The following TENM2 variants were observed in gnomAD, a reference collection of about 807,000 sequenced individuals.
TENM2 encodes teneurin transmembrane protein 2.
In TENM2, 52 loss-of-function variants were observed where a neutral mutation model predicts 245.2. The ratio of observed to expected loss-of-function variants is 0.21; its 90% CI spans 0.17 to 0.27. The LOEUF is 0.27. TENM2 is among the 10% of genes least tolerant of loss of function. The pLI is 1.00. For missense variants in TENM2, 3,046 were observed against 3,666.8 expected (o/e 0.83, Z 4.37); for synonymous variants, 1,363 against 1,438.9 (o/e 0.95, Z 1.19).
chr5:167,571,354 G>T (rs535592851), intron 2 of TENM2, among the ~76,000 whole-genome samples: 39 of 152,258 alleles, frequency 2.6e-4, no homozygotes, highest in African/African-American at 8.2e-4. Flanking sequence ...GGGTAACCTG[G>T]TTCCAAAAAC....
intron 2 of TENM2, among the ~76,000 whole-genome samples, chr5:167,858,815 C>T (rs1329434560): frequency 2.0e-5 from 3 of 148,940 alleles, no homozygotes; most frequent in East Asian, 2.0e-4. Context: ...CGGCGAGCGC[C>T]GCCCGGGAGG....
intron 2 of TENM2, among the ~76,000 whole-genome samples, chr5:167,386,771 C>T (rs914258426): frequency 6.6e-6 from 1 of 152,162 alleles, no homozygotes; most frequent in East Asian, 1.9e-4. Context: ...AAAAGGGTGT[C>T]CTTTCCCCAC....
At chr5:167,339,351 T>G (rs867316022) in intron 1 of TENM2, among the ~76,000 whole-genome samples, 2 of 152,170 alleles carry the variant, frequency 1.3e-5, no homozygotes, top group Non-Finnish European at 2.9e-5. Flanking sequence ...TCTGTCCTCT[T>G]TAGCTGAAAC....
intron 2 of TENM2, among the ~76,000 whole-genome samples, chr5:167,530,634 C>A (rs1042217256): frequency 6.6e-6 from 1 of 152,144 alleles, no homozygotes; most frequent in Non-Finnish European, 1.5e-5. Context: ...TCCCCCAGAT[C>A]CTGTGAGCAC....
intron 3 of TENM2, among the ~76,000 whole-genome samples, chr5:167,910,324 G>A (rs1776449404): frequency 6.6e-6 from 1 of 152,082 alleles, no homozygotes; most frequent in Admixed American, 6.6e-5. Context: ...AAATGCCCTT[G>A]CCATTCAGGG....
At chr5:168,172,653 G>A (rs556340374) in intron 13 of TENM2, among the ~76,000 whole-genome samples, 94 of 152,250 alleles carry the variant, frequency 6.2e-4, no homozygotes, top group African/African-American at 2.2e-3. Flanking sequence ...AACAACCTCC[G>A]CCCCTCAGAA....
At chr5:168,217,993 G>T (rs1763350183) in intron 22 of TENM2, 132 bp from the exon 25 acceptor site, 1 of 897,864 alleles carries the variant, frequency 1.1e-6, no homozygotes, top group Admixed American at 2.8e-5. Context: ...GTTCAATGAA[G>T]AGCATTTCTA....
chr5:168,166,530 T>C (rs1318330687), intron 13 of TENM2, among the ~76,000 whole-genome samples: 1 of 152,164 alleles, frequency 6.6e-6, no homozygotes, highest in Non-Finnish European at 1.5e-5. Flanking sequence ...AACTTCAGCA[T>C]GCAGCAAAAC....
the TENM2 span, among the ~76,000 whole-genome samples, chr5:167,254,288 C>T: frequency 6.6e-6 from 1 of 152,110 alleles, no homozygotes; most frequent in Admixed American, 6.6e-5. Context: ...GGGGTTGCCT[C>T]ATTCAAAGTC....
intron 3 of TENM2, among the ~76,000 whole-genome samples, chr5:167,928,390 A>G (rs142096898): frequency 6.6e-5 from 10 of 152,352 alleles, no homozygotes; most frequent in African/African-American, 2.4e-4. Context: ...CATTTCCTCT[A>G]GGCCCATAAA....
chr5:168,097,935 C>A lies in TENM2; in HGVS notation c.1712-91C>A. ...TGACAGGCATCTGAGATTACTACCA[C>A]TGGTCTTTAAAAGTGGCAAGTTACT... On this transcript the variant is annotated intron_variant, in intron 8 of 28. Coordinates refer to ENST00000518659, the Ensembl canonical transcript of TENM2. 3.5e-6 allele frequency: 3 copies of A among 852,782 alleles called. No homozygotes were observed. The South Asian group carries it at 4.8e-5, about 14-fold the overall frequency. 52.8% of individuals were successfully genotyped at this position (852,782 alleles called of 1,614,324 possible).
intron 3 of TENM2, among the ~76,000 whole-genome samples, chr5:167,916,720 C>T (rs948814008): frequency 2.0e-5 from 3 of 152,064 alleles, no homozygotes; most frequent in Non-Finnish European, 2.9e-5. Context: ...GGGAGGGAGG[C>T]CCCAGAACCA....
At chr5:167,944,945 G>C (rs1203430290) in intron 3 of TENM2, among the ~76,000 whole-genome samples, 1 of 152,176 alleles carries the variant, frequency 6.6e-6, no homozygotes, top group Non-Finnish European at 1.5e-5. Context: ...CCTTCCCTCT[G>C]TGTCTAGCCA....
intron 2 of TENM2, among the ~76,000 whole-genome samples, chr5:167,460,317 A>G (rs760569949): frequency 2.6e-5 from 4 of 152,192 alleles, no homozygotes; most frequent in Non-Finnish European, 5.9e-5. Context: ...ATAAAATACT[A>G]TTGGTTTAAA....
the TENM2 span, among the ~76,000 whole-genome samples, chr5:167,015,565 A>G: frequency 6.6e-6 from 1 of 152,208 alleles, no homozygotes; most frequent in African/African-American, 2.4e-5. Context: ...TGAACTACTT[A>G]TAAACTTGAA....
At chr5:168,021,732 C>T (rs562847520) in intron 5 of TENM2, among the ~76,000 whole-genome samples, 1 of 152,030 alleles carries the variant, frequency 6.6e-6, no homozygotes, top group Admixed American at 6.5e-5. Context: ...TTCAAAGGAC[C>T]ATAAGATTTT....
chr5:167,907,228 G>A (rs990425803), intron 3 of TENM2, among the ~76,000 whole-genome samples: 19 of 134,784 alleles, frequency 1.4e-4, no homozygotes, highest in African/African-American at 2.9e-4. Flanking sequence ...GTGAAACTCC[G>A]TCTCAAATAA....
At chr5:167,765,646 C>G (rs752704910) in intron 2 of TENM2, among the ~76,000 whole-genome samples, 1 of 152,112 alleles carries the variant, frequency 6.6e-6, no homozygotes, top group Admixed American at 6.5e-5. Context: ...CCGCGGAGCT[C>G]GGTGAATTTA....
chr5:167,601,732 G>A (rs1046016683), intron 2 of TENM2, among the ~76,000 whole-genome samples: 2 of 152,170 alleles, frequency 1.3e-5, no homozygotes, highest in East Asian at 3.9e-4. Context: ...ATGAATCACT[G>A]AGATAATGTA....
Sources: allele counts gnomAD v4.1 joint callset (sites outside exome capture counted in the v4.1 genomes callset), GRCh38; gene constraint gnomAD v4.1.1; transcripts MANE v1.5; gene names NCBI Gene and HGNC (gene_info 2026-07-23, HGNC 2026-07-21).